Variants in DMD observed in about 807,000 individuals in gnomAD.
The protein encoded by DMD is mutant dystrophin.
DMD carries 63 observed loss-of-function variants against 330.1 expected under a neutral mutation model. The ratio of observed to expected loss-of-function variants is 0.19; its 90% confidence interval spans 0.16 to 0.24. The LOEUF (loss-of-function observed/expected upper bound fraction) is 0.24, where lower values mean the gene tolerates loss of function less well. Ranked by LOEUF, DMD falls within the 10% of genes least tolerant of loss-of-function variation. The probability of loss-of-function intolerance (pLI) is 1.00; values close to 1 mark genes in which losing one functional copy is unlikely to be tolerated. For synonymous variants in DMD, 1,223 were observed against 959.8 expected (o/e 1.27, Z -5.07); for missense variants, 3,344 against 2,684.1 (o/e 1.25, Z -5.43).
At chrX:32,679,259 G>A (rs993864156) in intron 9 of DMD, among the ~76,000 whole-genome samples, 7 of 110,566 alleles carry the variant, frequency 6.3e-5, no homozygotes, top group Non-Finnish European at 1.1e-4. Flanking sequence ...TTAATAGAAG[G>A]AAAGAATAAA....
At chrX:32,100,994 G>A (rs917320824) in intron 44 of DMD, among the ~76,000 whole-genome samples, 1 of 111,609 alleles carries the variant, frequency 9.0e-6, no homozygotes. Flanking sequence ...CTATGCCTAC[G>A]AGTTGATGTC....
At chrX:31,178,524 C>T (rs1172406107) in intron 70 of DMD, 145 bp downstream of exon 70, 1 of 1,013,784 alleles carries the variant, frequency 9.9e-7, no homozygotes, top group East Asian at 3.5e-5. Flanking sequence ...TGGACATCAG[C>T]TTATTTTTCT....
intron 34 of DMD, among the ~76,000 whole-genome samples, chrX:32,377,728 G>A (rs2147427218): frequency 9.0e-6 from 1 of 111,479 alleles, no homozygotes; most frequent in East Asian, 2.8e-4. Context: ...TCAGTTGCAG[G>A]AAAGCATATT....
chrX:33,289,435 A>G (rs933997844), intron 1 of DMD, among the ~76,000 whole-genome samples: 1 of 111,278 alleles, frequency 9.0e-6, no homozygotes, highest in African/African-American at 3.3e-5. Flanking sequence ...TACATTCAAT[A>G]TATTTTAAAA....
chrX:32,395,715 G>T (rs1473797119), intron 30 of DMD, among the ~76,000 whole-genome samples: 2 of 111,340 alleles, frequency 1.8e-5, no homozygotes, highest in African/African-American at 3.3e-5. Flanking sequence ...GAGGGTCAGA[G>T]AATAAGAATA....
chrX:31,898,031 G>C (rs1012962226), intron 47 of DMD, among the ~76,000 whole-genome samples: 5 of 110,600 alleles, frequency 4.5e-5, no homozygotes, highest in African/African-American at 1.6e-4. Context: ...TGCCTCAAGA[G>C]AATAAAATGC....
intron 1 of DMD, among the ~76,000 whole-genome samples, chrX:33,030,560 G>C (rs997292391): frequency 9.0e-6 from 1 of 111,645 alleles, no homozygotes; most frequent in African/African-American, 3.3e-5. Flanking sequence ...GACTTGAAAT[G>C]TGCTTTGGTA....
At chrX:32,111,711 C>A (rs2096590227) in intron 44 of DMD, among the ~76,000 whole-genome samples, 2 of 111,450 alleles carry the variant, frequency 1.8e-5, no homozygotes, top group Non-Finnish European at 3.8e-5. Flanking sequence ...AATTCAATGT[C>A]AACCACTTTC....
intron 7 of DMD, among the ~76,000 whole-genome samples, chrX:32,785,988 TAAC>T (rs1194717703): frequency 9.1e-6 from 1 of 110,357 alleles, no homozygotes; most frequent in African/African-American, 3.3e-5. Context: ...TCCCTTTGAT[TAAC>T]AACTACAACA....
intron 16 of DMD, 94 bp downstream of exon 16, chrX:32,565,608 G>T (rs1450199611): frequency 6.6e-6 from 6 of 909,495 alleles, no homozygotes; most frequent in Non-Finnish European, 9.4e-6. Context: ...AACTAATCTG[G>T]TTGCTTCTTT....
chrX:31,582,660 G>A (rs929166657), intron 55 of DMD, among the ~76,000 whole-genome samples: 1 of 111,303 alleles, frequency 9.0e-6, no homozygotes, highest in African/African-American at 3.3e-5. Flanking sequence ...CTTACTCTCT[G>A]TATGGTAATC....
chrX:32,910,656 T>C (rs1211888491), intron 2 of DMD, among the ~76,000 whole-genome samples: 1 of 111,393 alleles, frequency 9.0e-6, no homozygotes, highest in Non-Finnish European at 1.9e-5. Flanking sequence ...TTGGCCAGGC[T>C]GGTCTCGAAA....
At chrX:31,925,119 C>T (rs935508590) in intron 47 of DMD, among the ~76,000 whole-genome samples, 26 of 111,470 alleles carry the variant, frequency 2.3e-4, no homozygotes, top group Non-Finnish European at 1.5e-4. Context: ...AATTTTAAAA[C>T]ACAGCATCTA....
At chrX:32,441,113 A>T (rs1306457372) in intron 28 of DMD, 67 bp downstream of exon 28, 17 of 1,113,657 alleles carry the variant, frequency 1.5e-5, no homozygotes, top group Non-Finnish European at 2.0e-5. Flanking sequence ...TTTGTCTTCT[A>T]TTTGGTACTT....
At chrX:31,170,528 A>G (rs1385109169) in intron 73 of DMD, among the ~76,000 whole-genome samples, 1 of 111,570 alleles carries the variant, frequency 9.0e-6, no homozygotes, top group Non-Finnish European at 1.9e-5. Flanking sequence ...GTTTCTGGTT[A>G]GATATCATTA....
chrX:33,241,179 C>T (rs2052581276), intron 1 of DMD, among the ~76,000 whole-genome samples: 1 of 111,869 alleles, frequency 8.9e-6, no homozygotes, highest in African/African-American at 3.3e-5. Flanking sequence ...TTCTGGTAGT[C>T]TTATAGTTTC....
chrX:31,858,376 A>T (rs1422502791), intron 48 of DMD, among the ~76,000 whole-genome samples: 4 of 111,363 alleles, frequency 3.6e-5, no homozygotes, highest in Non-Finnish European at 7.5e-5. Context: ...ATGAAGTATT[A>T]CTTAAAACCC....
rs200515374 is a variant in DMD at position 33,009,110 on chromosome X, A to G, written c.93+11029T>C. ...TATATATACGTATATATGTATATAT[A>G]TGTGTATATATACGTATATATGTAT... On this transcript the variant is annotated intron_variant, in intron 2 of 78. Coordinates refer to ENST00000357033, the MANE Select transcript of DMD (RefSeq NM_004006.3). Among the ~76,000 whole-genome samples, 18 of 53,089 alleles carry G rather than the reference A, an allele frequency of 3.4e-4. 1 individual carries two copies. The highest frequency in any genetic ancestry group is 5.3e-4 in the Non-Finnish European group (15 of 28,496). The allele number at this position is 53,089 out of a possible 115,157, so 46.1% of individuals were successfully genotyped here. A position where few individuals can be genotyped will look rare whatever the true frequency, so the allele number is the denominator to read the frequency against.
At chrX:32,640,848 C>A (rs1157223714) in intron 11 of DMD, among the ~76,000 whole-genome samples, 2 of 110,934 alleles carry the variant, frequency 1.8e-5, no homozygotes, top group Non-Finnish European at 3.8e-5. Flanking sequence ...CTTTGTCTTG[C>A]ACTTAGTCTA....
Sources: allele counts gnomAD v4.1 joint callset (sites outside exome capture counted in the v4.1 genomes callset), GRCh38; gene constraint gnomAD v4.1.1; transcripts MANE v1.5; gene names NCBI Gene and HGNC (gene_info 2026-07-23, HGNC 2026-07-21).